NRG4: variants seen among roughly 807,000 people sequenced by gnomAD.
NRG4 encodes the protein pro-neuregulin-4, membrane-bound isoform.
A neutral mutation model predicts 15.0 loss-of-function variants in NRG4; 10 were observed. The ratio of observed to expected loss-of-function variants is 0.67; its 90% confidence interval spans 0.41 to 1.13. NRG4 has a LOEUF of 1.13. Ranked by LOEUF, NRG4 falls within the 50% of genes most tolerant of loss-of-function variation. The pLI, the probability that NRG4 is intolerant of heterozygous loss-of-function variation, is 0.00. For missense variants in NRG4, 139 were observed against 140.2 expected, an observed-to-expected ratio of 0.99 and a Z score of 0.04; for synonymous variants, 41 against 50.1, an observed-to-expected ratio of 0.82 and a Z score of 0.77.
At chr15:76,043,035 G>T (rs1437610158) in intron 4 of NRG4, among the ~76,000 whole-genome samples, 1 of 152,006 alleles carries the variant, frequency 6.6e-6, no homozygotes, top group African/African-American at 2.4e-5. Flanking sequence ...CATATCAAAA[G>T]AATGAAGGAC....
chr15:76,021,027 G>T (rs921644549), intron 5 of NRG4, among the ~76,000 whole-genome samples: 1 of 152,184 alleles, frequency 6.6e-6, no homozygotes, highest in African/African-American at 2.4e-5. Flanking sequence ...TAGCTAAAGA[G>T]AAGTCAATGT....
chr15:75,985,954 C>T (rs950401012), intron 3 of NRG4, among the ~76,000 whole-genome samples: 5 of 152,148 alleles, frequency 3.3e-5, no homozygotes, highest in African/African-American at 7.2e-5. Context: ...ACAATTTCTA[C>T]GATGGCTACT....
downstream of NRG4, chr15:75,936,668 G>A (rs1261411084): frequency 2.0e-5 from 3 of 151,984 alleles, no homozygotes; most frequent in Non-Finnish European, 4.4e-5. Context: ...TCCACCTCCT[G>A]GGTTCAAGTG....
At chr15:76,049,347 A>G (rs758915559) in intron 4 of NRG4, among the ~76,000 whole-genome samples, 11 of 150,698 alleles carry the variant, frequency 7.3e-5, no homozygotes, top group Non-Finnish European at 1.5e-4. Flanking sequence ...TTTTTCTCCT[A>G]CTCAAATGCT....
chr15:75,937,334 C>T (rs1326482848), downstream of NRG4: 1 of 127,458 alleles, frequency 7.8e-6, no homozygotes, highest in African/African-American at 2.9e-5. Context: ...ACAGTGAAAC[C>T]CCATCTCTAC....
intron 5 of NRG4, among the ~76,000 whole-genome samples, chr15:76,022,255 T>A (rs1232205108): frequency 1.3e-5 from 2 of 152,128 alleles, no homozygotes; most frequent in Non-Finnish European, 2.9e-5. Context: ...CCTGCCATCC[T>A]TTTAAAAAAA....
chr15:76,057,171 T>C (rs2036172288), intron 1 of NRG4: 1 of 152,054 alleles, frequency 6.6e-6, no homozygotes, highest in Non-Finnish European at 1.5e-5. Flanking sequence ...GTACTATTTA[T>C]AGCTCTAGGA....
chr15:75,958,929 G>T (rs757714745), intron 4 of NRG4: 16 of 183,990 alleles, frequency 8.7e-5, no homozygotes, highest in Admixed American at 5.4e-4. Flanking sequence ...GTTGGCAAAG[G>T]AATTTCATTT....
intron 5 of NRG4, among the ~76,000 whole-genome samples, chr15:76,027,876 C>G (rs546374884): frequency 1.6e-4 from 25 of 152,044 alleles, no homozygotes; most frequent in African/African-American, 5.5e-4. Flanking sequence ...GAGAAACATT[C>G]AAAACTATAC....
At chr15:76,013,207 A>G (rs1024967717), upstream of NRG4, among the ~76,000 whole-genome samples, 3 of 152,112 alleles carry the variant, frequency 2.0e-5, no homozygotes, top group African/African-American at 7.2e-5. Context: ...CTCAAAATCA[A>G]ATACTCTAAA....
chr15:76,014,678 C>T (rs895592843), upstream of NRG4, among the ~76,000 whole-genome samples: 1 of 152,016 alleles, frequency 6.6e-6, no homozygotes, highest in Admixed American at 6.6e-5. Context: ...ATTTCTGAGG[C>T]CTCTGTTCTG....
intron 3 of NRG4, among the ~76,000 whole-genome samples, chr15:75,990,146 C>G (rs760734103): frequency 1.3e-5 from 2 of 152,110 alleles, no homozygotes. Context: ...AAGTTCTTTG[C>G]GCAGCACTAT....
chr15:76,047,797 T>A (rs2035907857), intron 4 of NRG4, among the ~76,000 whole-genome samples: 2 of 151,220 alleles, frequency 1.3e-5, no homozygotes, highest in Non-Finnish European at 2.9e-5. Flanking sequence ...GATTTAATAA[T>A]AAAGATTCAC....
intron 5 of NRG4, among the ~76,000 whole-genome samples, chr15:76,026,705 G>A (rs2035324036): frequency 6.6e-6 from 1 of 152,000 alleles, no homozygotes; most frequent in Admixed American, 6.6e-5. Context: ...GAGAAACAAA[G>A]GATACACAAA....
chr15:75,990,513 A>G (rs185288768), intron 3 of NRG4, among the ~76,000 whole-genome samples: 2 of 152,206 alleles, frequency 1.3e-5, no homozygotes, highest in Non-Finnish European at 2.9e-5. Context: ...TTATTTTCCC[A>G]ATTTTTATAG....
chr15:76,005,581 G>A (rs8025372), intron 3 of NRG4, among the ~76,000 whole-genome samples: 5,548 of 150,848 alleles, frequency 0.037, 177 homozygotes, highest in African/African-American at 0.085. Context: ...AGCTACTCAG[G>A]AGGCTGAGAG....
Position 75,955,915 on chromosome 15 carries a change from G to C in NRG4, c.331+17C>G. ...ATCTAGGGTTTTAAAATAAGCATTT[G>C]TTTTGAGTTTACTCACTGTGGTGGG... On this transcript the variant is annotated intron_variant, in intron 5 of 5. Transcript: ENST00000394907. 7.0e-7 allele frequency: 1 copy of C among 1,437,134 alleles called. No individual in the cohort carries two copies. Among genetic ancestry groups the C allele is most frequent in the South Asian group, 1.1e-5 (1 of 87,392 alleles). The allele number at this position is 1,437,134 out of a possible 1,614,324, so 89.0% of individuals were successfully genotyped here. A position where few individuals can be genotyped will look rare whatever the true frequency, so the allele number is the denominator to read the frequency against.
intron 4 of NRG4, among the ~76,000 whole-genome samples, chr15:75,957,569 A>C (rs2141803851): frequency 6.6e-6 from 1 of 151,768 alleles, no homozygotes; most frequent in East Asian, 1.9e-4. Flanking sequence ...TCACTGTTGC[A>C]CCCATATGTA....
chr15:75,998,878 A>G (rs938405332), intron 3 of NRG4, among the ~76,000 whole-genome samples: 7 of 151,724 alleles, frequency 4.6e-5, no homozygotes, highest in Non-Finnish European at 1.0e-4. Context: ...GAATTTATCA[A>G]TTTAATTTTT....
Sources: allele counts gnomAD v4.1 joint callset (sites outside exome capture counted in the v4.1 genomes callset), GRCh38; gene constraint gnomAD v4.1.1; transcripts MANE v1.5; gene names NCBI Gene and HGNC (gene_info 2026-07-23, HGNC 2026-07-21).